Variants in FGA observed in about 807,000 individuals in gnomAD.
FGA encodes the protein fibrinogen, A alpha polypeptide.
FGA carries 20 observed loss-of-function variants against 20.3 expected under a neutral mutation model. The ratio of observed to expected loss-of-function variants is 0.99; its 90% CI spans 0.69 to 1.43. FGA has a LOEUF of 1.43. Ranked by LOEUF, FGA falls within the 40% of genes most tolerant of loss-of-function variation. The probability of loss-of-function intolerance (pLI) is 0.00; values close to 1 mark genes in which losing one functional copy is unlikely to be tolerated. For synonymous variants in FGA, 306 were observed against 281.6 expected, an observed-to-expected ratio of 1.09 and a Z score of -0.87; for missense variants, 777 against 784.7, an observed-to-expected ratio of 0.99 and a Z score of 0.12.
In FGA at chr4:154,590,704, G is replaced by T. The variant is rs760567118; in HGVS notation, c.-17C>A. The T allele has an allele frequency of 7.1e-6, 11 of 1,551,020 alleles. No homozygotes were observed. In the South Asian group the frequency reaches 9.5e-5, roughly 13 times the overall value. On this transcript the variant is annotated 5_prime_UTR_variant, in exon 1 of 5. Coordinates refer to ENST00000403106, the MANE Select transcript of FGA (RefSeq NM_021871.4). ...GGAAAACATCTTTTCTAAGGGTGGG[G>T]CTGGCTCCTGAGGAGCACTCCAGCT...
rs569935098 is a variant in FGA, at chr4:154,587,768, A to G, written c.365-111T>C. The G allele has an allele frequency of 3.1e-5, 21 of 677,810 alleles. No homozygotes were observed. In the African/African-American group the frequency reaches 3.7e-4, roughly 12 times the overall value. 42.0% of individuals were successfully genotyped at this position (677,810 alleles called of 1,614,324 possible). On this transcript the variant is annotated intron_variant, in intron 3 of 4. Coordinates refer to ENST00000403106, the MANE Select transcript of FGA (RefSeq NM_021871.4). ...AGGAGAAAGAAAGAAAGAAAGAAAG[A>G]AAGAAAGAAAGAAAGAAAGAAAGAA...
intron 4 of FGA, 75 bp downstream of exon 4, chr4:154,587,433 ACACT>A: frequency 8.0e-7 from 1 of 1,246,962 alleles, no homozygotes; most frequent in Non-Finnish European, 1.2e-6. Flanking sequence ...CATATAGTAG[ACACT>A]CAGTGCATAA....
chr4:154,585,207 T>A, downstream of FGA: 2 of 1,309,228 alleles, frequency 1.5e-6, no homozygotes, highest in East Asian at 6.7e-5. Flanking sequence ...GGGTGACAAT[T>A]CTAATAGCAC....
chr4:154,589,711 TTTC>T, intron 1 of FGA, 149 bp from the exon 2 acceptor site: 1 of 848,832 alleles, frequency 1.2e-6, no homozygotes, highest in Non-Finnish European at 1.9e-6. Flanking sequence ...AAGCTTCAGG[TTTC>T]TTATCTTCAA....
chr4:154,587,560 A>C lies in FGA; in HGVS notation c.462T>G (p.Leu154=). ...ACTGAGCTCTAACATTTTTCTGCAG[A>C]AGCTGGATATGCTGTACTTTTTCTA... ...KVIEKVQHIQ[L]LQKNVRAQLV... Residue 154 remains leucine, a synonymous_variant, in exon 4 of 5, where the codon CTT becomes CTG. Transcript: ENST00000403106. The C allele has an allele frequency of 6.2e-7, 1 of 1,613,996 alleles. No homozygotes were observed.
chr4:154,589,666 A>C, intron 1 of FGA, 104 bp from the exon 2 acceptor site: 6 of 1,298,960 alleles, frequency 4.6e-6, no homozygotes, highest in Non-Finnish European at 6.6e-6. Context: ...TGGCACTCTC[A>C]CAGAGATTAA....
In FGA at chr4:154,586,606, T is replaced by A; in HGVS notation, c.823A>T (p.Thr275Ser). ...GGNEITRGGS[T>S]SYGTGSETES... The stretch of plus-strand genomic sequence containing the variant: ...GTCTCTGATCCGGTTCCATAAGAGG[T>A]GGAGCCTCCTCGAGTAATCTCATTT... Residue 275 changes from threonine to serine, a missense_variant, in exon 5 of 5, where the codon ACC becomes TCC. Transcript: ENST00000403106. The A allele has an allele frequency of 6.2e-7, 1 of 1,613,978 alleles. No individual in the cohort carries two copies. Among genetic ancestry groups the A allele is most frequent in the Non-Finnish European group, 8.5e-7 (1 of 1,179,960 alleles).
chr4:154,585,228 T>G, downstream of FGA: 1 of 1,328,332 alleles, frequency 7.5e-7, no homozygotes, highest in Non-Finnish European at 9.7e-7. Context: ...ACACTTTGAA[T>G]AGTGAAAGAA....
At chr4:154,584,346 G>A (rs1325228591), downstream of FGA, 1 of 1,614,072 alleles carries the variant, frequency 6.2e-7, no homozygotes, top group Non-Finnish European at 8.5e-7. Flanking sequence ...CTTCCCACTG[G>A]TCTGCATCCC....
In FGA at chr4:154,585,654, C is replaced by A. The variant is rs759652405; in HGVS notation, c.1775G>T (p.Gly592Val). ...GCTCTTGCTTTCAAATGTGGAGTCT[C>A]CTCTGTTGTAACTCGTGCTACTAGT... ...QFTSSTSYNR[G>V]DSTFESKSYK... The change falls in exon 5 of 5, where the codon GGA (glycine) becomes GTA (valine). Residue 592 changes from glycine to valine, a missense_variant. Gly to Val is a moderately radical substitution (Grantham distance 109). Transcript: ENST00000403106. 32 of 1,614,030 alleles carry A rather than the reference C, an allele frequency of 2.0e-5. No individual in the cohort carries two copies. The highest frequency in any genetic ancestry group is 2.7e-5 in the Non-Finnish European group (32 of 1,180,022).
downstream of FGA, chr4:154,584,110 C>CCCACTTCGAAGACAGAGTGCTCCCATTG: frequency 6.3e-7 from 1 of 1,596,134 alleles, no homozygotes; most frequent in Non-Finnish European, 8.6e-7. Flanking sequence ...TGCTCCCATT[C>CCCACTTCGAAGACAGAGTGCTCCCATTG]CCACTTCTTC....
At chr4:154,583,899 A>G (rs973565487), downstream of FGA, 2 of 550,766 alleles carry the variant, frequency 3.6e-6, no homozygotes, top group African/African-American at 3.8e-5. Context: ...TCTTTATAAA[A>G]ATGTTAAAAC....
downstream of FGA, chr4:154,584,480 C>T (rs1209030915): frequency 6.2e-7 from 1 of 1,614,076 alleles, no homozygotes; most frequent in African/African-American, 1.3e-5. Context: ...GCATAGCCTT[C>T]AGCCTCAGAG....
At chr4:154,587,801 A>AAGAG (rs149605794) in intron 3 of FGA, 144 bp from the exon 4 acceptor site, 9 of 693,270 alleles carry the variant, frequency 1.3e-5, no homozygotes, top group African/African-American at 9.6e-5. Context: ...GAAAGAAAGA[A>AAGAG]AGAGAAAAAA....
At position 154,589,217 on chromosome 4, in the gene FGA, C is replaced by T. The variant is rs2070015; in HGVS notation, c.180+220G>A. 5.1e-3 allele frequency among the ~76,000 whole-genome samples: 776 copies of T among 152,316 alleles called. 3 individuals are homozygous for T. The highest frequency in any genetic ancestry group is 8.3e-3 in the Non-Finnish European group (565 of 68,026). On this transcript the variant is annotated intron_variant, in intron 2 of 4. Transcript: ENST00000403106. ...ACTCAGGAGCCTGGTTTTGCCTGAG[C>T]ATGCAACTGAAATCCTGTCTGTTCA...
At chr4:154,584,282 C>T (rs1417832609), downstream of FGA, 1 of 1,614,124 alleles carries the variant, frequency 6.2e-7, no homozygotes, top group East Asian at 2.2e-5. Context: ...TTGAGATTGG[C>T]TGCTTGGCAG....
rs112646442 is a variant in FGA, at chr4:154,587,509, T to C, written c.510+3A>G. ...ACATCTGGGACCACAGCCACATACT[T>C]ACCTCCAGTCGTTTCATATCAACCA... On this transcript the variant is annotated splice_donor_region_variant and intron_variant, in intron 4 of 4. Coordinates refer to ENST00000403106, the MANE Select transcript of FGA (RefSeq NM_021871.4). The C allele has an allele frequency of 3.7e-6, 6 of 1,613,818 alleles. No homozygotes were observed. The highest frequency in any genetic ancestry group is 5.1e-6 in the Non-Finnish European group (6 of 1,179,812).
chr4:154,584,504 G>C (rs754678681), downstream of FGA: 1 of 1,614,186 alleles, frequency 6.2e-7, no homozygotes, highest in Admixed American at 1.7e-5. Flanking sequence ...ACCCGGAAGT[G>C]ATATTCTGCA....
chr4:154,585,226 A>C (rs1469412557), downstream of FGA: 2 of 1,328,190 alleles, frequency 1.5e-6, no homozygotes, highest in Non-Finnish European at 1.9e-6. Flanking sequence ...ACACACTTTG[A>C]ATAGTGAAAG....
Sources: gnomAD v4.1 joint callset for allele counts (sites outside exome capture counted in the v4.1 genomes callset) on GRCh38, gnomAD v4.1.1 for gene constraint, MANE v1.5 for transcripts, NCBI Gene and HGNC (gene_info 2026-07-23, HGNC 2026-07-21) for gene names.